TMEM132B: variants seen among roughly 807,000 people sequenced by gnomAD.
TMEM132B encodes the protein transmembrane protein 132B.
A neutral mutation model predicts 90.8 loss-of-function variants in TMEM132B; 18 were observed. The ratio of observed to expected loss-of-function variants is 0.20; its 90% CI spans 0.14 to 0.29. The LOEUF (loss-of-function observed/expected upper bound fraction) is 0.29, where lower values mean the gene tolerates loss of function less well. Ranked by LOEUF, TMEM132B falls within the 10% of genes least tolerant of loss-of-function variation. The pLI is 1.00. For synonymous variants in TMEM132B, 504 were observed against 523.3 expected, an observed-to-expected ratio of 0.96 and a Z score of 0.50; for missense variants, 1,096 against 1,326.8, an observed-to-expected ratio of 0.83 and a Z score of 2.70.
intron 3 of TMEM132B, among the ~76,000 whole-genome samples, chr12:125,429,488 G>C (rs768360183): frequency 6.6e-6 from 1 of 152,190 alleles, no homozygotes; most frequent in African/African-American, 2.4e-5. Context: ...TTACAGGTGT[G>C]AGCCACCGTG....
chr12:125,574,217 C>T (rs1884879850), intron 4 of TMEM132B, among the ~76,000 whole-genome samples: 2 of 151,250 alleles, frequency 1.3e-5, no homozygotes, highest in African/African-American at 4.9e-5. Context: ...ACATTCTTCT[C>T]TGTAAAGTGA....
At chr12:125,202,311 C>T (rs1873080236) in intron 1 of TMEM132B, among the ~76,000 whole-genome samples, 1 of 152,262 alleles carries the variant, frequency 6.6e-6, no homozygotes, top group African/African-American at 2.4e-5. Context: ...CTTAAAGCAG[C>T]ACACATGTGT....
At chr12:125,265,839 T>A (rs1874680375) in intron 1 of TMEM132B, among the ~76,000 whole-genome samples, 1 of 152,194 alleles carries the variant, frequency 6.6e-6, no homozygotes, top group Non-Finnish European at 1.5e-5. Context: ...TTCATTCTCA[T>A]TGCTGTAGAA....
intron 4 of TMEM132B, among the ~76,000 whole-genome samples, chr12:125,566,569 G>T (rs1884662270): frequency 6.6e-6 from 1 of 152,168 alleles, no homozygotes; most frequent in Admixed American, 6.5e-5. Flanking sequence ...TCCCTGTGGG[G>T]ATCTGTTCTG....
intron 3 of TMEM132B, among the ~76,000 whole-genome samples, chr12:125,469,570 AAGATCACATG>A (rs1345312770): frequency 6.6e-6 from 1 of 152,172 alleles, no homozygotes; most frequent in Non-Finnish European, 1.5e-5. Flanking sequence ...AGTAGAGGAC[AAGATCACATG>A]AGATCACATG....
At chr12:125,550,840 G>A (rs765987815) in intron 4 of TMEM132B, among the ~76,000 whole-genome samples, 4 of 150,306 alleles carry the variant, frequency 2.7e-5, no homozygotes, top group Non-Finnish European at 4.4e-5. Context: ...GTGCAATGGT[G>A]CGATCTTGGC....
At chr12:125,597,382 T>C (rs1376150281) in intron 5 of TMEM132B, among the ~76,000 whole-genome samples, 1 of 152,118 alleles carries the variant, frequency 6.6e-6, no homozygotes, top group Non-Finnish European at 1.5e-5. Context: ...TGGCTTCAGG[T>C]TGTTCATCTC....
intron 2 of TMEM132B, among the ~76,000 whole-genome samples, chr12:125,404,990 A>G (rs1369468432): frequency 6.6e-6 from 1 of 152,228 alleles, no homozygotes; most frequent in Non-Finnish European, 1.5e-5. Flanking sequence ...ACACACCTGT[A>G]GCACTCCGTC....
intron 1 of TMEM132B, among the ~76,000 whole-genome samples, chr12:125,247,739 GC>G (rs966086621): frequency 1.3e-5 from 2 of 152,158 alleles, no homozygotes; most frequent in African/African-American, 4.8e-5. Flanking sequence ...ATTTCCCCTA[GC>G]CGATGTCACC....
intron 1 of TMEM132B, among the ~76,000 whole-genome samples, chr12:125,290,624 T>G (rs1213102402): frequency 2.0e-5 from 3 of 152,234 alleles, no homozygotes; most frequent in African/African-American, 7.2e-5. Flanking sequence ...TCTGTGCTGA[T>G]CTATATTGCT....
chr12:125,432,697 C>G (rs1434840710), intron 3 of TMEM132B, among the ~76,000 whole-genome samples: 1 of 151,744 alleles, frequency 6.6e-6, no homozygotes, highest in Non-Finnish European at 1.5e-5. Flanking sequence ...GATATATCAA[C>G]TTGCTTACTT....
chr12:125,249,299 G>A (rs1468866851), intron 1 of TMEM132B, among the ~76,000 whole-genome samples: 1 of 152,134 alleles, frequency 6.6e-6, no homozygotes, highest in Non-Finnish European at 1.5e-5. Flanking sequence ...TGGGGCCCGA[G>A]GATTTGCATT....
chr12:125,482,760 A>G (rs1882082989), intron 3 of TMEM132B, among the ~76,000 whole-genome samples: 1 of 152,186 alleles, frequency 6.6e-6, no homozygotes, highest in Non-Finnish European at 1.5e-5. Context: ...TACCCAAAGG[A>G]TTGTAAATCA....
At chr12:125,227,527 A>G (rs1873710422) in intron 1 of TMEM132B, among the ~76,000 whole-genome samples, 1 of 152,076 alleles carries the variant, frequency 6.6e-6, no homozygotes, top group Admixed American at 6.5e-5. Context: ...AGGGTTGGAA[A>G]TACCTGCTGG....
intron 1 of TMEM132B, among the ~76,000 whole-genome samples, chr12:125,200,905 C>T (rs1282762198): frequency 3.3e-5 from 5 of 152,174 alleles, no homozygotes; most frequent in Non-Finnish European, 5.9e-5. Flanking sequence ...AATGCCAGCC[C>T]ATCTACTCAT....
At chr12:125,517,434 C>T (rs1463211157) in intron 3 of TMEM132B, among the ~76,000 whole-genome samples, 2 of 149,280 alleles carry the variant, frequency 1.3e-5, no homozygotes, top group African/African-American at 4.9e-5. Flanking sequence ...CCTCGTGATC[C>T]ACCCGCCTCG....
At chr12:125,469,715 T>A (rs1399181093) in intron 3 of TMEM132B, among the ~76,000 whole-genome samples, 1 of 152,218 alleles carries the variant, frequency 6.6e-6, no homozygotes, top group African/African-American at 2.4e-5. Flanking sequence ...GGAGAATTCC[T>A]TTAACTGAAA....
At position 125,656,535 on chromosome 12, in the gene TMEM132B, G is replaced by A. The variant is rs1456201906; in HGVS notation, c.*1825G>A. The stretch of plus-strand genomic sequence containing the variant: ...GTAGGCCTGACCTCCAGAGCCCAGC[G>A]TTCAGTTAGTTGTATAAAATGGGGC... On this transcript the variant is annotated 3_prime_UTR_variant, in exon 9 of 9. Transcript: ENST00000682704. 1 of 152,322 alleles carries A rather than the reference G, an allele frequency of 6.6e-6. No homozygotes were observed. The highest frequency in any genetic ancestry group is 2.1e-4 in the South Asian group (1 of 4,818). The allele number at this position is 152,322 out of a possible 1,614,324, so 9.4% of individuals were successfully genotyped here.
chr12:125,524,724 A>G (rs181109501), intron 4 of TMEM132B, among the ~76,000 whole-genome samples: 1 of 152,196 alleles, frequency 6.6e-6, no homozygotes, highest in African/African-American at 2.4e-5. Flanking sequence ...CTTTGGGAGA[A>G]GGTAAAACAG....
Sources: gnomAD v4.1 joint callset for allele counts (sites outside exome capture counted in the v4.1 genomes callset) on GRCh38, gnomAD v4.1.1 for gene constraint, MANE v1.5 for transcripts, NCBI Gene and HGNC (gene_info 2026-07-23, HGNC 2026-07-21) for gene names.